TENM3: variants seen among roughly 807,000 people sequenced by gnomAD.
The protein encoded by TENM3 is teneurin-3.
TENM3 carries 63 observed loss-of-function variants against 255.1 expected under a neutral mutation model. The ratio of observed to expected loss-of-function variants is 0.25; its 90% CI spans 0.20 to 0.30. TENM3 has a LOEUF of 0.30. TENM3 is among the 10% of genes least tolerant of loss of function. The pLI is 1.00. For synonymous variants in TENM3, 1,306 were observed against 1,322.3 expected (o/e 0.99, Z 0.27); for missense variants, 2,929 against 3,461.1 (o/e 0.85, Z 3.86).
At chr4:181,876,025 G>A in the TENM3 span, among the ~76,000 whole-genome samples, 2 of 152,192 alleles carry the variant, frequency 1.3e-5, no homozygotes, top group East Asian at 1.9e-4. Flanking sequence ...AAGGTACAAT[G>A]TCCTCTGGAC....
the TENM3 span, among the ~76,000 whole-genome samples, chr4:181,904,731 C>G: frequency 3.9e-5 from 6 of 152,140 alleles, no homozygotes; most frequent in Admixed American, 3.9e-4. Flanking sequence ...TGCTGGAGAA[C>G]CGTCTCTTTG....
rs772839377 is a variant in TENM3, at chr4:182,800,093, C to T, written c.7842C>T (p.Asp2614=). Residue 2614 remains aspartate, a synonymous_variant, in exon 28 of 28, where the codon GAC becomes GAT. Transcript: ENST00000511685. ...ACGTGCGCTACGGCATGACCCTGGA[C>T]GAGGAGAAGGCGCGCATCCTGGAGC... The part of the protein sequence containing the change: ...ALHVRYGMTL[D]EEKARILEQA... 1.9e-6 allele frequency: 3 copies of T among 1,586,688 alleles called. No homozygotes were observed. The highest frequency in any genetic ancestry group is 2.6e-6 in the Non-Finnish European group (3 of 1,167,700).
At chr4:182,578,888 T>C (rs373218968) in intron 3 of TENM3, among the ~76,000 whole-genome samples, 2 of 152,230 alleles carry the variant, frequency 1.3e-5, no homozygotes, top group African/African-American at 4.8e-5. Flanking sequence ...TTGCTAACTG[T>C]GCTTCTCTTC....
intron 4 of TENM3, among the ~76,000 whole-genome samples, chr4:182,612,502 C>G (rs1749111956): frequency 6.6e-6 from 1 of 152,060 alleles, no homozygotes; most frequent in African/African-American, 2.4e-5. Flanking sequence ...ATTATAAAAG[C>G]TTAATATCTT....
chr4:182,697,293 C>G (rs143976575), intron 12 of TENM3, among the ~76,000 whole-genome samples: 1 of 152,170 alleles, frequency 6.6e-6, no homozygotes, highest in Non-Finnish European at 1.5e-5. Context: ...CCTCCTGGCA[C>G]ATGAATAGTC....
intron 1 of TENM3, among the ~76,000 whole-genome samples, chr4:182,150,473 A>C (rs1040866997): frequency 6.6e-6 from 1 of 152,088 alleles, no homozygotes; most frequent in Non-Finnish European, 1.5e-5. Context: ...CCAGAGTATC[A>C]GTTTTTAAAT....
the TENM3 span, among the ~76,000 whole-genome samples, chr4:181,920,257 G>A: frequency 3.3e-5 from 5 of 151,998 alleles, no homozygotes; most frequent in Admixed American, 2.6e-4. Context: ...CCAGTAATGG[G>A]TTGGCTGGGT....
At chr4:181,816,495 T>TA in the TENM3 span, among the ~76,000 whole-genome samples, 1 of 152,042 alleles carries the variant, frequency 6.6e-6, no homozygotes, top group African/African-American at 2.4e-5. Context: ...TTCGTCAGGT[T>TA]ATTATAAGGA....
the TENM3 span, among the ~76,000 whole-genome samples, chr4:182,106,595 G>T: frequency 6.6e-6 from 1 of 152,300 alleles, no homozygotes; most frequent in South Asian, 2.1e-4. Flanking sequence ...GCTGGCAAGA[G>T]GTTGCCTTGG....
intron 3 of TENM3, among the ~76,000 whole-genome samples, chr4:182,462,354 C>T (rs146320877): frequency 1.2e-4 from 18 of 152,044 alleles, no homozygotes; most frequent in Non-Finnish European, 2.4e-4. Context: ...CCACTGCTCC[C>T]GGCCTAGGAT....
chr4:182,690,744 G>A (rs1756952266), intron 12 of TENM3, among the ~76,000 whole-genome samples: 2 of 152,122 alleles, frequency 1.3e-5, no homozygotes, highest in South Asian at 4.1e-4. Flanking sequence ...TTATTACATG[G>A]ATAATAGTTT....
At chr4:182,591,319 C>A (rs1746626913) in intron 3 of TENM3, among the ~76,000 whole-genome samples, 1 of 152,084 alleles carries the variant, frequency 6.6e-6, no homozygotes, top group South Asian at 2.1e-4. Flanking sequence ...CAAAGCATGA[C>A]CCTAAAGATA....
At chr4:182,389,778 C>T (rs550097095) in intron 3 of TENM3, among the ~76,000 whole-genome samples, 66 of 151,022 alleles carry the variant, frequency 4.4e-4, no homozygotes, top group Admixed American at 2.4e-3. Flanking sequence ...CTCCGCCTCC[C>T]GGGTTCGCGC....
chr4:182,398,796 A>G (rs1053307934), intron 3 of TENM3, among the ~76,000 whole-genome samples: 2 of 152,246 alleles, frequency 1.3e-5, no homozygotes, highest in East Asian at 3.8e-4. Context: ...CAATAGCACC[A>G]GAAAACATTT....
chr4:181,603,044 C>T, the TENM3 span, among the ~76,000 whole-genome samples: 3 of 152,130 alleles, frequency 2.0e-5, no homozygotes, highest in African/African-American at 7.2e-5. Flanking sequence ...GCTGAAATGG[C>T]TATTTCCTGC....
chr4:182,779,789 G>T (rs190098160), intron 24 of TENM3, among the ~76,000 whole-genome samples: 2,441 of 152,258 alleles, frequency 0.016, 40 homozygotes, highest in Non-Finnish European at 0.021. Context: ...TGGTTTTGAT[G>T]TGCATTTCTC....
the TENM3 span, among the ~76,000 whole-genome samples, chr4:181,484,472 T>C: frequency 6.6e-6 from 1 of 152,166 alleles, no homozygotes; most frequent in African/African-American, 2.4e-5. Flanking sequence ...TTTATTGAAC[T>C]GTAATTCTAG....
At chr4:181,614,612 C>G in the TENM3 span, among the ~76,000 whole-genome samples, 7 of 152,192 alleles carry the variant, frequency 4.6e-5, no homozygotes, top group East Asian at 7.7e-4. Context: ...TTCAACTGTT[C>G]TTCCTGCTCA....
intron 4 of TENM3, among the ~76,000 whole-genome samples, chr4:182,611,260 G>A (rs1431768453): frequency 1.3e-5 from 2 of 151,858 alleles, no homozygotes; most frequent in African/African-American, 4.8e-5. Flanking sequence ...TTTAAATTAG[G>A]CACATGCAGC....
Sources: allele counts gnomAD v4.1 joint callset (sites outside exome capture counted in the v4.1 genomes callset), GRCh38; gene constraint gnomAD v4.1.1; transcripts MANE v1.5; gene names NCBI Gene and HGNC (gene_info 2026-07-23, HGNC 2026-07-21).